ACSF3: variants seen among roughly 807,000 people sequenced by gnomAD.
The protein encoded by ACSF3 is acyl-CoA synthetase family member 3.
A neutral mutation model predicts 53.2 loss-of-function variants in ACSF3; 78 were observed. The ratio of observed to expected loss-of-function variants is 1.47; its 90% CI spans 1.22 to 1.77. The LOEUF is 1.77. Ranked by LOEUF, ACSF3 falls within the 40% of genes most tolerant of loss-of-function variation. The pLI, the probability that ACSF3 is intolerant of heterozygous loss-of-function variation, is 0.00. For synonymous variants in ACSF3, 414 were observed against 333.1 expected, an observed-to-expected ratio of 1.24 and a Z score of -2.65; for missense variants, 937 against 771.1, an observed-to-expected ratio of 1.22 and a Z score of -2.55.
At chr16:89,115,892 A>T (rs1031499635) in intron 6 of ACSF3, among the ~76,000 whole-genome samples, 14 of 152,168 alleles carry the variant, frequency 9.2e-5, no homozygotes, top group Non-Finnish European at 2.1e-4. Flanking sequence ...TTCGGGACCC[A>T]AGTGTCAGCT....
intron 1 of ACSF3, among the ~76,000 whole-genome samples, chr16:89,098,379 A>G (rs1312372798): frequency 6.6e-6 from 1 of 152,236 alleles, no homozygotes; most frequent in Non-Finnish European, 1.5e-5. Context: ...CAGATCCCAC[A>G]GAGGGGGCGT....
chr16:89,127,724 A>G (rs1908431347), intron 7 of ACSF3, among the ~76,000 whole-genome samples: 1 of 152,138 alleles, frequency 6.6e-6, no homozygotes, highest in African/African-American at 2.4e-5. Context: ...TGCTTATAGG[A>G]CTGTTCAGGT....
intron 10 of ACSF3, chr16:89,150,923 A>T: frequency 8.5e-7 from 1 of 1,174,132 alleles, no homozygotes; most frequent in Non-Finnish European, 1.1e-6. Flanking sequence ...AAGTTAGAGG[A>T]TTAATCCAAA....
Position 89,098,709 on chromosome 16 carries a change from C to T in ACSF3, c.-75C>T, listed in dbSNP as rs757372814. The T allele has an allele frequency of 4.4e-5, 20 of 454,160 alleles. No homozygotes were observed. The highest frequency in any genetic ancestry group is 3.2e-4 in the African/African-American group (16 of 50,134). The allele number at this position is 454,160 out of a possible 1,614,324, so 28.1% of individuals were successfully genotyped here. A position where few individuals can be genotyped will look rare whatever the true frequency, so the allele number is the denominator to read the frequency against. On this transcript the variant is annotated 5_prime_UTR_variant, in exon 2 of 11. Coordinates refer to ENST00000614302, the MANE Select transcript of ACSF3 (RefSeq NM_001243279.3). ...CACCTGCTGAAGCAGCTGTGCCTGC[C>T]GCTCTTGTGAACTGCGAACTTCCCC...
intron 7 of ACSF3, among the ~76,000 whole-genome samples, chr16:89,125,698 A>AAAGAGAGAGAG (rs373857710): frequency 6.8e-6 from 1 of 147,896 alleles, no homozygotes; most frequent in Non-Finnish European, 1.5e-5. Flanking sequence ...CAAAAAAAAA[A>AAAGAGAGAGAG]AGAGAGAGAG....
rs1450210324 is a variant in ACSF3 at position 89,155,592 on chromosome 16, C to A, written c.*1385C>A. On this transcript the variant is annotated 3_prime_UTR_variant, in exon 11 of 11. Coordinates refer to ENST00000614302, the MANE Select transcript of ACSF3 (RefSeq NM_001243279.3). The stretch of plus-strand genomic sequence containing the variant: ...CATCCCCATGGCCTGACCCCGGGAA[C>A]AGTCAGAGGAAGGGGTCCCGCCCTC... 1 of 453,990 alleles carries A rather than the reference C, an allele frequency of 2.2e-6. No homozygotes were observed. The highest frequency in any genetic ancestry group is 2.0e-5 in the African/African-American group (1 of 50,014). The allele number at this position is 453,990 out of a possible 1,614,324, so 28.1% of individuals were successfully genotyped here. A position where few individuals can be genotyped will look rare whatever the true frequency, so the allele number is the denominator to read the frequency against.
At chr16:89,153,720 T>C (rs1239415782) in intron 10 of ACSF3, 1 of 300,470 alleles carries the variant, frequency 3.3e-6, no homozygotes, top group South Asian at 3.4e-5. Flanking sequence ...GGCCACAGAG[T>C]GAAATGGGGC....
At chr16:89,095,843 G>A (rs536773854) in intron 1 of ACSF3, among the ~76,000 whole-genome samples, 2 of 152,322 alleles carry the variant, frequency 1.3e-5, no homozygotes, top group Middle Eastern at 3.4e-3. Context: ...CCATCTTAGC[G>A]GTGGGAAGTG....
At chr16:89,118,310 C>CA (rs1232022870) in intron 6 of ACSF3, among the ~76,000 whole-genome samples, 1 of 149,820 alleles carries the variant, frequency 6.7e-6, no homozygotes, top group African/African-American at 2.5e-5. Context: ...AAATCACCAG[C>CA]AGTGTGAGTT....
intron 10 of ACSF3, chr16:89,153,112 C>G (rs1202379642): frequency 6.5e-6 from 1 of 152,682 alleles, no homozygotes; most frequent in Non-Finnish European, 1.5e-5. Flanking sequence ...CGTCAAGAAA[C>G]CACGACACTT....
At position 89,100,955 on chromosome 16, in the gene ACSF3, G is replaced by A. The variant is rs1327094735; in HGVS notation, c.274G>A (p.Asp92Asn). 6 of 1,613,664 alleles carry A rather than the reference G, an allele frequency of 3.7e-6. No individual in the cohort carries two copies. The highest frequency in any genetic ancestry group is 5.1e-6 in the Non-Finnish European group (6 of 1,179,994). Reference protein sequence around the residue: ...ICRLCGCVGGDLREERVSFLC... With the variant: ...ICRLCGCVGGNLREERVSFLC... ...CAGGCTCTGCGGGTGTGTCGGCGGG[G>A]ACCTCCGGGAGGAGAGGGTCTCCTT... Residue 92 changes from aspartate (D) to asparagine (N), a missense_variant, in exon 3 of 11, where the codon GAC becomes AAC. By Grantham distance (23) the Asp-to-Asn change is conservative. Coordinates refer to ENST00000614302, the MANE Select transcript of ACSF3 (RefSeq NM_001243279.3).
At chr16:89,117,483 G>A (rs1226432274) in intron 6 of ACSF3, among the ~76,000 whole-genome samples, 4 of 151,770 alleles carry the variant, frequency 2.6e-5, no homozygotes, top group South Asian at 4.2e-4. Context: ...TGTCTACACC[G>A]AGGGAGTCAT....
At position 89,147,263 on chromosome 16, in the gene ACSF3, GTGA is replaced by G. The variant is rs1189617292; in HGVS notation, c.1613+1215_1613+1217del. 1.8e-4 allele frequency among the ~76,000 whole-genome samples: 16 copies of G among 89,822 alleles called. No individual in the cohort carries two copies. In the East Asian group the frequency reaches 1.8e-3, roughly 10 times the overall value. The allele number at this position is 89,822 out of a possible 152,430, so 58.9% of individuals were successfully genotyped here. ...GGAGGAGGGAGGGGTCACAGAGTGA[GTGA>G]GGGAGGAGGGAGGGGCCACAGTGTG... On this transcript the variant is annotated intron_variant, in intron 10 of 10. Transcript: ENST00000614302.
At chr16:89,107,605 G>A (rs775526373) in intron 4 of ACSF3, among the ~76,000 whole-genome samples, 2 of 152,184 alleles carry the variant, frequency 1.3e-5, no homozygotes, top group Non-Finnish European at 1.5e-5. Flanking sequence ...GCCACAGTGC[G>A]CTTATCCATT....
At chr16:89,106,252 A>T (rs1210049669) in intron 4 of ACSF3, among the ~76,000 whole-genome samples, 1 of 151,818 alleles carries the variant, frequency 6.6e-6, no homozygotes, top group Non-Finnish European at 1.5e-5. Context: ...ACCGTTTTTG[A>T]CACTTACTTG....
intron 7 of ACSF3, among the ~76,000 whole-genome samples, chr16:89,130,841 C>G (rs540248268): frequency 5.3e-5 from 8 of 152,252 alleles, no homozygotes; most frequent in African/African-American, 1.7e-4. Flanking sequence ...TTTCTTCTGT[C>G]ACTCCAGTAG....
At chr16:89,132,412 G>A (rs1428576351) in intron 7 of ACSF3, among the ~76,000 whole-genome samples, 2 of 152,208 alleles carry the variant, frequency 1.3e-5, no homozygotes, top group Non-Finnish European at 2.9e-5. Flanking sequence ...CGTGTCCAGG[G>A]CCTCCCGTGC....
chr16:89,101,326 G>T lies in ACSF3; in HGVS notation c.645G>T (p.Thr215=). 2 of 1,592,620 alleles carry T rather than the reference G, an allele frequency of 1.3e-6. No homozygotes were observed. Among genetic ancestry groups the T allele is most frequent in the Non-Finnish European group, 1.7e-6 (2 of 1,170,190 alleles). Residue 215 remains threonine, a synonymous_variant, in exon 3 of 11, where the codon ACG becomes ACT. Transcript: ENST00000614302. ...TTGRPKGVLS[T]HQNIRAVVTG... ...GGAGGCCCAAGGGCGTGCTGAGCAC[G>T]CACCAAAACATCAGGGCTGTGGTGA...
intron 10 of ACSF3, 40 bp downstream of exon 10, chr16:89,146,089 C>T: frequency 6.8e-7 from 1 of 1,466,768 alleles, no homozygotes; most frequent in Non-Finnish European, 9.5e-7. Flanking sequence ...CTCATGGGGT[C>T]TTGGGGGTCC....
Sources: allele counts gnomAD v4.1 joint callset (sites outside exome capture counted in the v4.1 genomes callset), GRCh38; gene constraint gnomAD v4.1.1; transcripts MANE v1.5; gene names NCBI Gene and HGNC (gene_info 2026-07-23, HGNC 2026-07-21).